The following TERF2 variants were observed in gnomAD, a reference collection of about 807,000 sequenced individuals.
TERF2 encodes telomeric repeat binding factor 2, also known as telomeric repeat-binding factor 2.
A neutral mutation model predicts 56.1 loss-of-function variants in TERF2; 16 were observed. The observed-to-expected ratio is 0.29, with a 90% CI of 0.19 to 0.43. TERF2 has a LOEUF of 0.43. TERF2 is among the 20% of genes least tolerant of loss of function. The pLI is 1.00. For missense variants in TERF2, 547 were observed against 712.9 expected (o/e 0.77, Z 2.65); for synonymous variants, 296 against 282.1 (o/e 1.05, Z -0.50).
intron 5 of TERF2, among the ~76,000 whole-genome samples, chr16:69,369,541 T>G (rs2013486479): frequency 6.6e-6 from 1 of 152,110 alleles, no homozygotes; most frequent in Non-Finnish European, 1.5e-5. Context: ...TCAAGCAACC[T>G]GCCTGCCTTG....
In TERF2 at chr16:69,385,737, C is replaced by T; in HGVS notation, c.235G>A (p.Gly79Ser). ...RRGRHEPGLG[G>S]PAERGAGEAR... The stretch of plus-strand genomic sequence containing the variant: ...TCCCCCGCGCCGCGCTCCGCCGGGC[C>T]CCCCAGCCCCGGCTCGTGGCGCCCC... The change falls in exon 1 of 10, where the codon GGC becomes AGC. Residue 79 changes from glycine (G) to serine (S), a missense_variant. Gly to Ser is a moderately conservative substitution (Grantham distance 56). This residue lies in a region of TERF2 where 120 missense variants were observed against 172.4 expected (regional missense o/e 0.70). Coordinates refer to ENST00000254942, the MANE Select transcript of TERF2 (RefSeq NM_005652.5). 14 of 1,513,038 alleles carry T rather than the reference C, an allele frequency of 9.3e-6. No homozygotes were observed. Among genetic ancestry groups the T allele is most frequent in the Non-Finnish European group, 1.2e-5 (14 of 1,135,354 alleles). The allele number at this position is 1,513,038 out of a possible 1,614,324, so 93.7% of individuals were successfully genotyped here. A position where few individuals can be genotyped will look rare whatever the true frequency, so the allele number is the denominator to read the frequency against.
rs781374142 is a variant in TERF2, at chr16:69,357,496, A to T, written c.1470+22T>A. ...CTGCTCTACCCACATAACCAGTAACAGAAAAGAGAATTTTAAATTACCTGC... is the reference window on the plus strand; with the variant it reads ...CTGCTCTACCCACATAACCAGTAACTGAAAAGAGAATTTTAAATTACCTGC... On this transcript the variant is annotated intron_variant, in intron 9 of 9. Coordinates refer to ENST00000254942, the MANE Select transcript of TERF2 (RefSeq NM_005652.5). The T allele has an allele frequency of 1.1e-5, 17 of 1,606,792 alleles. No homozygotes were observed. The South Asian group carries it at 1.9e-4, about 18-fold the overall frequency.
intron 7 of TERF2, among the ~76,000 whole-genome samples, chr16:69,364,166 C>G (rs1046945234): frequency 1.3e-5 from 2 of 152,094 alleles, no homozygotes; most frequent in Admixed American, 6.5e-5. Flanking sequence ...TAAACACATG[C>G]TATGTGCAAG....
At chr16:69,372,723 C>T (rs1303318610) in intron 3 of TERF2, among the ~76,000 whole-genome samples, 2 of 152,166 alleles carry the variant, frequency 1.3e-5, no homozygotes, top group African/African-American at 4.8e-5. Flanking sequence ...GATCGCGCCA[C>T]TGCACTCCAG....
intron 6 of TERF2, among the ~76,000 whole-genome samples, chr16:69,367,976 G>C (rs1319938559): frequency 6.6e-6 from 1 of 152,174 alleles, no homozygotes; most frequent in Admixed American, 6.5e-5. Flanking sequence ...TGTTCCTTTA[G>C]GTTTCCTAAC....
intron 2 of TERF2, 133 bp downstream of exon 2, chr16:69,385,258 C>T: frequency 2.7e-6 from 2 of 729,440 alleles, no homozygotes; most frequent in South Asian, 1.8e-5. Flanking sequence ...AAAACAGACC[C>T]ATCGTAGAAT....
chr16:69,371,546 T>C (rs1335241269), intron 4 of TERF2, among the ~76,000 whole-genome samples: 1 of 140,960 alleles, frequency 7.1e-6, no homozygotes, highest in East Asian at 2.1e-4. Context: ...TGGTTGGGCA[T>C]GATGATTCAC....
At chr16:69,366,766 A>T in intron 7 of TERF2, 41 bp downstream of exon 7, 1 of 1,566,658 alleles carries the variant, frequency 6.4e-7, no homozygotes, top group Non-Finnish European at 8.6e-7. Flanking sequence ...AACCAGGACC[A>T]CCAACCAGCC....
chr16:69,359,527 C>CAAAAA (rs71383990), intron 8 of TERF2, among the ~76,000 whole-genome samples: 1 of 103,526 alleles, frequency 9.7e-6, no homozygotes, highest in Non-Finnish European at 2.0e-5. Context: ...GACTCTGTCT[C>CAAAAA]AAAAAAAAAA....
In TERF2 at chr16:69,374,921, C is replaced by T. The variant is rs941983564; in HGVS notation, c.607-2566G>A. ...CAGAGGTTGCAGTGAGCCGAGATTG[C>T]GCCACTGCACTCCAGCCTGGGCAAC... On this transcript the variant is annotated intron_variant, in intron 3 of 9. Coordinates refer to ENST00000254942, the MANE Select transcript of TERF2 (RefSeq NM_005652.5). Among the ~76,000 whole-genome samples the T allele has an allele frequency of 4.1e-5, 6 of 144,978 alleles. No homozygotes were observed. In the East Asian group the frequency reaches 6.4e-4, roughly 15 times the overall value.
chr16:69,376,835 G>A (rs1214474562), intron 3 of TERF2, among the ~76,000 whole-genome samples: 7 of 149,422 alleles, frequency 4.7e-5, no homozygotes, highest in African/African-American at 7.4e-5. Flanking sequence ...ATTCCAGCCC[G>A]GGTGACAGAG....
intron 5 of TERF2, among the ~76,000 whole-genome samples, chr16:69,368,814 T>A (rs1464995396): frequency 6.6e-6 from 1 of 151,814 alleles, no homozygotes; most frequent in Non-Finnish European, 1.5e-5. Flanking sequence ...GTAGCTGGGA[T>A]TACAGGCGCC....
At chr16:69,372,402 G>A (rs1427743406) in intron 3 of TERF2, 47 bp from the exon 4 acceptor site, 2 of 1,244,260 alleles carry the variant, frequency 1.6e-6, no homozygotes, top group Admixed American at 2.0e-5. Flanking sequence ...AATGACAGGT[G>A]TAATCAGAAT....
chr16:69,356,597 G>A lies in TERF2; in HGVS notation c.*301C>T, dbSNP rs1307756575. The stretch of plus-strand genomic sequence containing the variant: ...GGGTGGATCACGAGGTCAGGAGATC[G>A]AGACCATCCTGGCTAACACGGTGAA... On this transcript the variant is annotated 3_prime_UTR_variant, in exon 10 of 10. Transcript: ENST00000254942. 1.2e-5 allele frequency: 3 copies of A among 260,354 alleles called. No individual in the cohort carries two copies. Among genetic ancestry groups the A allele is most frequent in the Non-Finnish European group, 1.5e-5 (2 of 133,838 alleles). The allele number at this position is 260,354 out of a possible 1,614,324, so 16.1% of individuals were successfully genotyped here.
chr16:69,363,871 G>C (rs2013239728), intron 7 of TERF2, among the ~76,000 whole-genome samples: 1 of 152,088 alleles, frequency 6.6e-6, no homozygotes, highest in African/African-American at 2.4e-5. Context: ...GATGGGGGCG[G>C]GGATGGTGGC....
intron 3 of TERF2, among the ~76,000 whole-genome samples, chr16:69,374,203 A>G (rs961413072): frequency 2.6e-5 from 4 of 152,174 alleles, no homozygotes; most frequent in Middle Eastern, 3.2e-3. Flanking sequence ...TTAAAATTCT[A>G]TTTAACTTGC....
chr16:69,376,548 T>C (rs1461932244), intron 3 of TERF2, among the ~76,000 whole-genome samples: 2 of 152,102 alleles, frequency 1.3e-5, no homozygotes, highest in Non-Finnish European at 2.9e-5. Context: ...TCTGTATCTA[T>C]AGAAAATCCT....
chr16:69,381,479 AT>A (rs759759533), intron 3 of TERF2, among the ~76,000 whole-genome samples: 1,813 of 141,872 alleles, frequency 0.013, 18 homozygotes, highest in Middle Eastern at 0.044. Flanking sequence ...ACTTCCTCTT[AT>A]TTTTTTTTTT....
chr16:69,380,879 G>A, intron 3 of TERF2, among the ~76,000 whole-genome samples: 1 of 149,616 alleles, frequency 6.7e-6, no homozygotes, highest in East Asian at 2.0e-4. Context: ...TCGGCTCACG[G>A]CAACCTCCTC....
Sources: allele counts gnomAD v4.1 joint callset (sites outside exome capture counted in the v4.1 genomes callset), GRCh38; gene constraint gnomAD v4.1.1; regional missense constraint gnomAD v4.1.1; transcripts MANE v1.5; gene names NCBI Gene and HGNC (gene_info 2026-07-23, HGNC 2026-07-21).